MAGI1: variants seen among roughly 807,000 people sequenced by gnomAD.
MAGI1 encodes the protein membrane associated guanylate kinase, WW and PDZ domain containing 1, also known as membrane-associated guanylate kinase, WW and PDZ domain-containing protein 1.
A neutral mutation model predicts 139.9 loss-of-function variants in MAGI1; 58 were observed. The ratio of observed to expected loss-of-function variants is 0.41; its 90% CI spans 0.34 to 0.52. MAGI1 has a LOEUF of 0.52. Ranked by LOEUF, MAGI1 falls within the 20% of genes least tolerant of loss-of-function variation. MAGI1 has a pLI of 0.12. For missense variants in MAGI1, 1,874 were observed against 1,901.6 expected, an observed-to-expected ratio of 0.99 and a Z score of 0.27; for synonymous variants, 812 against 737.9, an observed-to-expected ratio of 1.10 and a Z score of -1.63.
chr3:65,727,025 T>G (rs1433485456), intron 1 of MAGI1, among the ~76,000 whole-genome samples: 2 of 151,324 alleles, frequency 1.3e-5, no homozygotes, highest in South Asian at 2.1e-4. Context: ...TGAGGAATAT[T>G]CAACCTGTAA....
chr3:65,749,066 T>C (rs999542002), intron 1 of MAGI1, among the ~76,000 whole-genome samples: 2 of 152,012 alleles, frequency 1.3e-5, no homozygotes, highest in African/African-American at 4.8e-5. Flanking sequence ...AATGGAGGTA[T>C]AGGAGGAATA....
chr3:65,726,591 C>A (rs1292969792), intron 1 of MAGI1, among the ~76,000 whole-genome samples: 1 of 152,136 alleles, frequency 6.6e-6, no homozygotes, highest in Non-Finnish European at 1.5e-5. Context: ...TTGGTGATAT[C>A]TCAAAAATGG....
intron 4 of MAGI1, among the ~76,000 whole-genome samples, chr3:65,475,397 A>C (rs373060418): frequency 6.6e-6 from 1 of 152,050 alleles, no homozygotes; most frequent in African/African-American, 2.4e-5. Context: ...TATTTTTAGT[A>C]GAGATGGAGT....
intron 1 of MAGI1, among the ~76,000 whole-genome samples, chr3:65,984,290 T>C (rs1015180969): frequency 2.0e-5 from 3 of 152,124 alleles, no homozygotes; most frequent in African/African-American, 7.2e-5. Flanking sequence ...TGAGACACCA[T>C]CTAAAAACTA....
chr3:65,842,407 C>T (rs11708990), intron 1 of MAGI1, among the ~76,000 whole-genome samples: 1,813 of 149,400 alleles, frequency 0.012, 14 homozygotes, highest in Middle Eastern at 0.031. Flanking sequence ...GTTGCCCAGG[C>T]TGGAGTGCAA....
At chr3:65,961,206 G>A (rs2064408784) in intron 1 of MAGI1, among the ~76,000 whole-genome samples, 1 of 152,152 alleles carries the variant, frequency 6.6e-6, no homozygotes, top group East Asian at 1.9e-4. Context: ...TGCATTAAAG[G>A]TAGGACAGAC....
At chr3:65,597,840 G>T (rs898173467) in intron 2 of MAGI1, 9 of 452,126 alleles carry the variant, frequency 2.0e-5, no homozygotes, top group Non-Finnish European at 3.5e-5. Flanking sequence ...CAATCGCCAA[G>T]ATTAATCCTT....
Position 65,811,835 on chromosome 3 carries a change from CTT to C in MAGI1, c.314-189749_314-189748del, listed in dbSNP as rs1390949282. Among the ~76,000 whole-genome samples the C allele has an allele frequency of 9.2e-5, 14 of 151,986 alleles. No homozygotes were observed. The East Asian group carries it at 2.7e-3, about 29-fold the overall frequency. On this transcript the variant is annotated intron_variant, in intron 1 of 22. Coordinates refer to ENST00000402939, the MANE Select transcript of MAGI1 (RefSeq NM_001033057.2). The stretch of plus-strand genomic sequence containing the variant: ...TTATTATAAAGAATCCCCCCTTGTT[CTT>C]TTACTTAAGCTAGTCATTACCAGCT...
chr3:65,427,956 C>T (rs1233419657), intron 12 of MAGI1, among the ~76,000 whole-genome samples: 1 of 152,112 alleles, frequency 6.6e-6, no homozygotes, highest in Admixed American at 6.5e-5. Context: ...CAAGAAGAGA[C>T]TTGAAAATTA....
intron 2 of MAGI1, among the ~76,000 whole-genome samples, chr3:65,611,931 T>C (rs2083146197): frequency 6.6e-6 from 1 of 151,922 alleles, no homozygotes; most frequent in Admixed American, 6.6e-5. Context: ...ATAAGATTTC[T>C]ACAAGTATTC....
At chr3:66,024,515 C>G (rs2068132619) in intron 1 of MAGI1, among the ~76,000 whole-genome samples, 1 of 151,988 alleles carries the variant, frequency 6.6e-6, no homozygotes, top group Non-Finnish European at 1.5e-5. Context: ...TAAAATACTA[C>G]TCAGTATCCA....
intron 1 of MAGI1, among the ~76,000 whole-genome samples, chr3:65,668,959 G>C (rs960305173): frequency 1.3e-5 from 2 of 151,958 alleles, no homozygotes; most frequent in African/African-American, 2.4e-5. Context: ...TTGAGATGGA[G>C]TCTCGCTCTG....
chr3:65,996,434 C>G (rs1464870579), intron 1 of MAGI1, among the ~76,000 whole-genome samples: 3 of 150,572 alleles, frequency 2.0e-5, no homozygotes, highest in East Asian at 1.9e-4. Flanking sequence ...AAAATACACA[C>G]CAAAAACTAA....
At chr3:65,662,896 A>T in intron 1 of MAGI1, among the ~76,000 whole-genome samples, 1 of 152,126 alleles carries the variant, frequency 6.6e-6, no homozygotes, top group East Asian at 1.9e-4. Context: ...CTGCTGGTAG[A>T]CAGGTTTTGT....
At chr3:65,369,860 T>A (rs1941812759) in intron 18 of MAGI1, among the ~76,000 whole-genome samples, 1 of 152,184 alleles carries the variant, frequency 6.6e-6, no homozygotes, top group Non-Finnish European at 1.5e-5. Context: ...GTTAAGACCT[T>A]CAGTCTCCTT....
intron 1 of MAGI1, among the ~76,000 whole-genome samples, chr3:65,740,850 A>G (rs1490638925): frequency 6.6e-6 from 1 of 152,242 alleles, no homozygotes; most frequent in Non-Finnish European, 1.5e-5. Flanking sequence ...CCATTTTTGT[A>G]TGCACACATC....
At chr3:65,686,291 T>G (rs1263588383) in intron 1 of MAGI1, among the ~76,000 whole-genome samples, 1 of 152,152 alleles carries the variant, frequency 6.6e-6, no homozygotes, top group East Asian at 1.9e-4. Context: ...AGGGGTGTTT[T>G]TTTGTTTGTT....
intron 4 of MAGI1, among the ~76,000 whole-genome samples, chr3:65,476,654 G>T (rs1950908490): frequency 1.3e-5 from 2 of 152,148 alleles, no homozygotes; most frequent in African/African-American, 4.8e-5. Context: ...CACCCAATCT[G>T]CTTGGCAGAA....
At chr3:65,970,462 T>C (rs2064967961) in intron 1 of MAGI1, among the ~76,000 whole-genome samples, 1 of 150,880 alleles carries the variant, frequency 6.6e-6, no homozygotes, top group Non-Finnish European at 1.5e-5. Context: ...GCCACAGAAG[T>C]GTACATGCAA....
Sources: gnomAD v4.1 joint callset for allele counts (sites outside exome capture counted in the v4.1 genomes callset) on GRCh38, gnomAD v4.1.1 for gene constraint, MANE v1.5 for transcripts, NCBI Gene and HGNC (gene_info 2026-07-23, HGNC 2026-07-21) for gene names.